Variants in PHF24 observed in about 807,000 individuals in gnomAD.
The protein encoded by PHF24 is Galpha inhibitory interacting protein.
Under a neutral mutation model 42.6 loss-of-function variants are expected in PHF24, and 25 were observed. The ratio of observed to expected loss-of-function variants is 0.59; its 90% CI spans 0.43 to 0.82. The LOEUF (loss-of-function observed/expected upper bound fraction) is 0.82. Among genes scored for constraint, PHF24 ranks in the 40% least tolerant of loss-of-function variants. The probability of loss-of-function intolerance (pLI) is 0.00; values close to 1 mark genes in which losing one functional copy is unlikely to be tolerated. For missense variants in PHF24, 470 were observed against 538.1 expected (o/e 0.87, Z 1.25); for synonymous variants, 185 against 204.8 (o/e 0.90, Z 0.83).
chr9:34,972,489 G>C (rs374447849), exon 3 of PHF24: 1 of 1,613,552 alleles, frequency 6.2e-7, no homozygotes, highest in South Asian at 1.1e-5. Context: ...CGGAGGTGAC[G>C]GAGATGGCCC....
chr9:34,719,539 A>C, the PHF24 span, among the ~76,000 whole-genome samples: 1 of 152,188 alleles, frequency 6.6e-6, no homozygotes, highest in Admixed American at 6.5e-5. Context: ...GAGAACTCAG[A>C]ATCCTGAAGG....
At chr9:34,881,590 CAAAT>C in the PHF24 span, among the ~76,000 whole-genome samples, 2 of 152,162 alleles carry the variant, frequency 1.3e-5, no homozygotes, top group Non-Finnish European at 2.9e-5. Flanking sequence ...CACCTCTACA[CAAAT>C]AAACTAGAAA....
At chr9:34,795,395 G>A in the PHF24 span, among the ~76,000 whole-genome samples, 4 of 152,116 alleles carry the variant, frequency 2.6e-5, no homozygotes, top group East Asian at 5.8e-4. Context: ...GTAAACTAAG[G>A]CAATTATCTG....
At chr9:34,711,962 GT>G in the PHF24 span, among the ~76,000 whole-genome samples, 7 of 152,118 alleles carry the variant, frequency 4.6e-5, no homozygotes, top group East Asian at 1.4e-3. Flanking sequence ...TTGTTTGTTT[GT>G]TTTTTCTTTC....
the PHF24 span, among the ~76,000 whole-genome samples, chr9:34,796,556 C>A: frequency 2.2e-3 from 337 of 152,186 alleles, 1 homozygote; most frequent in Non-Finnish European, 2.5e-3. Flanking sequence ...CCGAAAAGCT[C>A]AAAAAGACAC....
chr9:34,680,716 A>AATAAT, the PHF24 span, among the ~76,000 whole-genome samples: 8 of 141,272 alleles, frequency 5.7e-5, no homozygotes, highest in Non-Finnish European at 7.4e-5. Context: ...ATAAAAAAAA[A>AATAAT]AATAAAATAA....
the PHF24 span, chr9:34,835,037 C>T: frequency 3.1e-5 from 46 of 1,482,722 alleles, no homozygotes; most frequent in Middle Eastern, 3.5e-4. Context: ...GAGATCACTC[C>T]CTGAGTCATT....
the PHF24 span, among the ~76,000 whole-genome samples, chr9:34,755,680 C>G: frequency 1.3e-5 from 2 of 151,890 alleles, no homozygotes; most frequent in African/African-American, 4.8e-5. Context: ...GGGTCTTGCT[C>G]TGTTGCCCAA....
chr9:34,702,234 A>G, the PHF24 span, among the ~76,000 whole-genome samples: 6 of 152,182 alleles, frequency 3.9e-5, no homozygotes, highest in Non-Finnish European at 2.9e-5. Flanking sequence ...AGAAAGATGA[A>G]GGAAATGAGA....
the PHF24 span, among the ~76,000 whole-genome samples, chr9:34,670,837 A>G: frequency 6.6e-6 from 1 of 152,150 alleles, no homozygotes; most frequent in Non-Finnish European, 1.5e-5. Context: ...AAGATGGGAC[A>G]TAGCCACCCA....
At chr9:34,858,870 T>C in the PHF24 span, among the ~76,000 whole-genome samples, 2 of 152,138 alleles carry the variant, frequency 1.3e-5, no homozygotes, top group Non-Finnish European at 2.9e-5. Context: ...TAGTGACTTG[T>C]TGTTGTTGTT....
the PHF24 span, among the ~76,000 whole-genome samples, chr9:34,919,489 C>T: frequency 6.6e-6 from 1 of 152,102 alleles, no homozygotes; most frequent in Non-Finnish European, 1.5e-5. Flanking sequence ...AACCATCATT[C>T]TACTATCTTC....
chr9:34,962,324 C>T (rs928350346), intron 1 of PHF24, among the ~76,000 whole-genome samples: 10 of 151,644 alleles, frequency 6.6e-5, no homozygotes, highest in African/African-American at 2.4e-4. Context: ...TAGCTCCATG[C>T]CTTGGCATGT....
the PHF24 span, among the ~76,000 whole-genome samples, chr9:34,939,012 G>A: frequency 5.3e-5 from 8 of 150,862 alleles, no homozygotes; most frequent in Non-Finnish European, 1.0e-4. Context: ...CAGGTGCAGT[G>A]CCTTTCACCT....
Position 34,961,441 on chromosome 9 carries a change from C to G in PHF24, c.-5+3040C>G, listed in dbSNP as rs181024099. Reference sequence around the variant, plus strand: ...CATTCTCCCCACTCTTCCAGCAATCCCCTCAGAGACTCACTTACATTTACT... The same window carrying G: ...CATTCTCCCCACTCTTCCAGCAATCGCCTCAGAGACTCACTTACATTTACT... On this transcript the variant is annotated intron_variant, in intron 1 of 7. Coordinates refer to ENST00000242315, the Ensembl canonical transcript of PHF24. Among the ~76,000 whole-genome samples the G allele has an allele frequency of 7.2e-5, 11 of 152,282 alleles. No homozygotes were observed. The East Asian group carries it at 1.9e-3, about 27-fold the overall frequency.
the PHF24 span, among the ~76,000 whole-genome samples, chr9:34,753,068 T>C: frequency 6.6e-6 from 1 of 152,122 alleles, no homozygotes. Context: ...AAACCACAGC[T>C]AGTATCATAC....
the PHF24 span, among the ~76,000 whole-genome samples, chr9:34,766,710 A>C: frequency 6.6e-6 from 1 of 152,216 alleles, no homozygotes; most frequent in East Asian, 1.9e-4. Flanking sequence ...CGTCAAAGTC[A>C]TTCTCCGTCC....
At chr9:34,681,447 C>G in the PHF24 span, 4 of 22,986 alleles carry the variant, frequency 1.7e-4, no homozygotes, top group South Asian at 2.5e-3. Flanking sequence ...GTGTCCCCCC[C>G]CAAATTCGTA....
the PHF24 span, chr9:34,832,187 G>C: frequency 2.8e-6 from 1 of 362,502 alleles, no homozygotes; most frequent in Non-Finnish European, 5.0e-6. Flanking sequence ...TGAAAATACT[G>C]GTCCTCTGGA....
Sources: allele counts gnomAD v4.1 joint callset (sites outside exome capture counted in the v4.1 genomes callset), GRCh38; gene constraint gnomAD v4.1.1; transcripts MANE v1.5; gene names NCBI Gene and HGNC (gene_info 2026-07-23, HGNC 2026-07-21).